Variants in WDFY3 observed in about 807,000 individuals in gnomAD.
WDFY3 encodes the protein WD repeat and FYVE domain containing 3.
In WDFY3, 66 loss-of-function variants were observed where a neutral mutation model predicts 409.6. That is an observed-to-expected ratio of 0.16 (90% CI 0.13 to 0.20). WDFY3 has a LOEUF of 0.20. Among genes scored for constraint, WDFY3 ranks in the 10% least tolerant of loss-of-function variants. The probability of loss-of-function intolerance (pLI) is 1.00; values close to 1 mark genes in which losing one functional copy is unlikely to be tolerated. For synonymous variants in WDFY3, 1,521 were observed against 1,537.1 expected (o/e 0.99, Z 0.25); for missense variants, 3,031 against 4,298.1 (o/e 0.71, Z 8.24).
chr4:84,693,635 T>C (rs1729619070), intron 58 of WDFY3, among the ~76,000 whole-genome samples: 1 of 152,144 alleles, frequency 6.6e-6, no homozygotes, highest in African/African-American at 2.4e-5. Context: ...AGGTGGCTCA[T>C]GCCTGTAATC....
At chr4:84,944,355 A>G (rs1772534032) in intron 1 of WDFY3, among the ~76,000 whole-genome samples, 1 of 151,908 alleles carries the variant, frequency 6.6e-6, no homozygotes, top group South Asian at 2.1e-4. Flanking sequence ...TTCTCTACGA[A>G]AAAAATTAAA....
At chr4:84,755,785 G>A (rs529433880) in intron 33 of WDFY3, among the ~76,000 whole-genome samples, 3 of 151,694 alleles carry the variant, frequency 2.0e-5, no homozygotes, top group African/African-American at 7.3e-5. Flanking sequence ...ATTCTCAGCA[G>A]TATTTTAATT....
At chr4:84,882,708 T>C (rs1458605824) in intron 3 of WDFY3, among the ~76,000 whole-genome samples, 3 of 151,784 alleles carry the variant, frequency 2.0e-5, no homozygotes. Context: ...AGTATTATTG[T>C]TTCACCTATA....
At chr4:84,767,599 GCTA>G (rs1743891534) in intron 30 of WDFY3, among the ~76,000 whole-genome samples, 1 of 151,606 alleles carries the variant, frequency 6.6e-6, no homozygotes, top group Admixed American at 6.6e-5. Flanking sequence ...AACTGAAAGT[GCTA>G]CTCCAGTGAA....
intron 27 of WDFY3, 60 bp from the exon 28 acceptor site, chr4:84,775,198 CAACA>C (rs1745344795): frequency 7.4e-7 from 1 of 1,355,340 alleles, no homozygotes; most frequent in African/African-American, 1.5e-5. Context: ...AATGCCAAAC[CAACA>C]AACACCAATA....
chr4:84,945,244 C>T (rs576687090), intron 1 of WDFY3, among the ~76,000 whole-genome samples: 138 of 152,298 alleles, frequency 9.1e-4, no homozygotes, highest in Middle Eastern at 3.4e-3. Flanking sequence ...CAAATCTGCA[C>T]GAACTCATTA....
Position 84,672,591 on chromosome 4 carries a change from T to C in WDFY3, c.*277A>G. ...GAGTTAATAAGTGAGGATTTTTCTC[T>C]TGGAGACAGCTACTGTCATCAGGGA... On this transcript the variant is annotated 3_prime_UTR_variant, in exon 68 of 68. Coordinates refer to ENST00000295888, the MANE Select transcript of WDFY3 (RefSeq NM_014991.6). 2 of 250,042 alleles carry C rather than the reference T, an allele frequency of 8.0e-6. No homozygotes were observed. The highest frequency in any genetic ancestry group is 1.5e-5 in the Non-Finnish European group (2 of 132,046). 15.5% of individuals were successfully genotyped at this position (250,042 alleles called of 1,614,324 possible).
intron 30 of WDFY3, among the ~76,000 whole-genome samples, chr4:84,771,393 C>T (rs1327985714): frequency 1.3e-5 from 2 of 152,320 alleles, no homozygotes; most frequent in South Asian, 2.1e-4. Context: ...CTGCTTCAGC[C>T]TCCCGAAGTG....
chr4:84,748,734 T>C (rs1156470216), intron 36 of WDFY3, among the ~76,000 whole-genome samples: 1 of 152,214 alleles, frequency 6.6e-6, no homozygotes, highest in African/African-American at 2.4e-5. Context: ...CATGTTCTTT[T>C]GTAGGTATAA....
chr4:84,702,100 C>G (rs1731151203), intron 56 of WDFY3, among the ~76,000 whole-genome samples: 1 of 152,166 alleles, frequency 6.6e-6, no homozygotes, highest in Admixed American at 6.5e-5. Flanking sequence ...CTCCACCTCC[C>G]AGGTTCAAGC....
intron 41 of WDFY3, among the ~76,000 whole-genome samples, chr4:84,736,750 T>C (rs898118594): frequency 1.3e-5 from 2 of 152,146 alleles, no homozygotes; most frequent in Non-Finnish European, 1.5e-5. Flanking sequence ...ATTTAATACG[T>C]CAATATTACT....
In WDFY3 at chr4:84,778,603, A is replaced by G; in HGVS notation, c.4418T>C (p.Leu1473Pro). The change falls in exon 27 of 68, where the codon CTC (leucine) becomes CCC (proline). Residue 1473 changes from leucine to proline, a missense_variant. Physicochemically the swap from Leu to Pro is moderately conservative, Grantham distance 98. Coordinates refer to ENST00000295888, the MANE Select transcript of WDFY3 (RefSeq NM_014991.6). ...KKRSLLNSHI[L>P]HLTFSLVGTV... ...TCCCACCAAAGAAAAAGTTAGATGG[A>G]GGATGTGGCTGTTAAGAAGGGAACG... 6.2e-7 allele frequency: 1 copy of G among 1,612,944 alleles called. No individual in the cohort carries two copies. The highest frequency in any genetic ancestry group is 1.1e-5 in the South Asian group (1 of 90,820).
At chr4:84,848,970 T>C (rs543101987) in intron 5 of WDFY3, among the ~76,000 whole-genome samples, 23 of 152,310 alleles carry the variant, frequency 1.5e-4, no homozygotes, top group African/African-American at 5.1e-4. Context: ...ATCACTTTAC[T>C]TACTGAAAAG....
chr4:84,810,313 C>T lies in WDFY3; in HGVS notation c.1919G>A (p.Arg640His), dbSNP rs765823587. ...ALLSVLRESH[R>H]SRTVFRKVGG... The stretch of plus-strand genomic sequence containing the variant: ...AACTTTCCTAAAAACTGTTCTTGAA[C>T]GATGGCTTTCTCGAAGGACCGACAG... The change falls in exon 14 of 68, where the codon CGT (arginine) becomes CAT (histidine). Residue 640 changes from arginine (R) to histidine (H), a missense_variant. Physicochemically the swap from Arg to His is conservative, Grantham distance 29. Transcript: ENST00000295888. 2.6e-5 allele frequency: 42 copies of T among 1,609,600 alleles called. 1 individual carries two copies. In the Middle Eastern group the frequency reaches 4.9e-4, roughly 19 times the overall value.
At chr4:84,706,564 A>C (rs1003959238) in intron 53 of WDFY3, among the ~76,000 whole-genome samples, 8 of 149,098 alleles carry the variant, frequency 5.4e-5, no homozygotes, top group East Asian at 3.9e-4. Context: ...AAAAAAAAAA[A>C]CCCAACATAG....
At chr4:84,722,967 T>G (rs1735078961) in intron 46 of WDFY3, among the ~76,000 whole-genome samples, 1 of 152,226 alleles carries the variant, frequency 6.6e-6, no homozygotes, top group African/African-American at 2.4e-5. Flanking sequence ...TTTAGCTTAA[T>G]GAATCAAAAC....
intron 5 of WDFY3, among the ~76,000 whole-genome samples, chr4:84,842,948 G>T (rs1014532830): frequency 1.3e-5 from 2 of 152,186 alleles, no homozygotes; most frequent in African/African-American, 4.8e-5. Context: ...ATGATTCTGG[G>T]CTGGGCAAAG....
intron 54 of WDFY3, 89 bp downstream of exon 54, chr4:84,705,305 G>T: frequency 1.1e-6 from 1 of 950,028 alleles, no homozygotes; most frequent in East Asian, 2.4e-5. Context: ...TAAGCAATTT[G>T]AAGGAGGATG....
Position 84,860,632 on chromosome 4 carries a change from A to G in WDFY3, c.-31-10T>C. ...AGACGCACTTCTAATTCTGTAGGAA[A>G]ATGTCAATACATGAACAGTCAAAAC... On this transcript the variant is annotated splice_polypyrimidine_tract_variant and intron_variant, in intron 3 of 67. Transcript: ENST00000295888. 6.4e-7 allele frequency: 1 copy of G among 1,554,794 alleles called. No individual in the cohort carries two copies.
Sources: allele counts gnomAD v4.1 joint callset (sites outside exome capture counted in the v4.1 genomes callset), GRCh38; gene constraint gnomAD v4.1.1; transcripts MANE v1.5; gene names NCBI Gene and HGNC (gene_info 2026-07-23, HGNC 2026-07-21).